Variants in BICD1 observed in about 807,000 individuals in gnomAD.
The protein encoded by BICD1 is BICD cargo adaptor 1.
In BICD1, 35 loss-of-function variants were observed where a neutral mutation model predicts 92.5. The observed-to-expected ratio is 0.38, with a 90% CI of 0.29 to 0.50. BICD1 has a LOEUF of 0.50. Ranked by LOEUF, BICD1 falls within the 20% of genes least tolerant of loss-of-function variation. BICD1 has a pLI of 0.93. For synonymous variants in BICD1, 429 were observed against 465.1 expected (o/e 0.92, Z 1.00); for missense variants, 950 against 1,189.8 (o/e 0.80, Z 2.97).
At chr12:32,286,481 T>C (rs945841340) in intron 2 of BICD1, among the ~76,000 whole-genome samples, 2 of 152,230 alleles carry the variant, frequency 1.3e-5, no homozygotes, top group Non-Finnish European at 2.9e-5. Flanking sequence ...AATACTGTAA[T>C]TTGACTTTAT....
At chr12:32,135,276 T>C (rs773538130) in intron 1 of BICD1, among the ~76,000 whole-genome samples, 10 of 151,432 alleles carry the variant, frequency 6.6e-5, no homozygotes, top group Non-Finnish European at 1.5e-4. Flanking sequence ...TTAGTAGAGA[T>C]GGGCTTTCAC....
At chr12:32,255,373 A>G (rs934933671) in intron 2 of BICD1, among the ~76,000 whole-genome samples, 1 of 152,168 alleles carries the variant, frequency 6.6e-6, no homozygotes, top group African/African-American at 2.4e-5. Context: ...CATTCAGTTC[A>G]TAACAGCCAC....
At chr12:32,306,226 T>A in intron 4 of BICD1, 104 bp downstream of exon 4, 2 of 1,189,836 alleles carry the variant, frequency 1.7e-6, no homozygotes, top group Non-Finnish European at 2.3e-6. Context: ...TTTCTTTTCT[T>A]TTTTCTTTTC....
chr12:32,203,003 C>T (rs1048662108), intron 1 of BICD1, among the ~76,000 whole-genome samples: 1 of 152,114 alleles, frequency 6.6e-6, no homozygotes, highest in African/African-American at 2.4e-5. Context: ...TATCTTATGA[C>T]CATTAGTGGG....
intron 1 of BICD1, among the ~76,000 whole-genome samples, chr12:32,204,672 A>G (rs1288117390): frequency 6.6e-6 from 1 of 152,190 alleles, no homozygotes; most frequent in Non-Finnish European, 1.5e-5. Flanking sequence ...ATAATATATT[A>G]GCATCCCAAA....
Position 32,249,559 on chromosome 12 carries a change from T to G in BICD1, c.426+33100T>G, listed in dbSNP as rs1008559148. Among the ~76,000 whole-genome samples, 5 of 152,096 alleles carry G rather than the reference T, an allele frequency of 3.3e-5. No individual in the cohort carries two copies. In the East Asian group the frequency reaches 5.8e-4, roughly 18 times the overall value. ...TATGGCTGTAAGGGGAGGATTCTTG[T>G]GTTTCCCAGGTGTCCTGAAACCATT... On this transcript the variant is annotated intron_variant, in intron 2 of 9. Transcript: ENST00000652176.
intron 2 of BICD1, among the ~76,000 whole-genome samples, chr12:32,216,886 C>T (rs1334582112): frequency 6.6e-6 from 1 of 152,078 alleles, no homozygotes; most frequent in Non-Finnish European, 1.5e-5. Flanking sequence ...ACAGCCTAGG[C>T]GAGTGTCCTG....
chr12:32,375,056 C>T (rs1363202189), intron 9 of BICD1, among the ~76,000 whole-genome samples: 1 of 148,006 alleles, frequency 6.8e-6, no homozygotes, highest in East Asian at 2.1e-4. Flanking sequence ...GTAGCTGGGA[C>T]TACAGGCGCC....
intron 1 of BICD1, among the ~76,000 whole-genome samples, chr12:32,176,777 T>C (rs903329852): frequency 1.3e-5 from 2 of 152,186 alleles, no homozygotes. Flanking sequence ...GAGCACTCCA[T>C]TGTATGAATG....
At chr12:32,231,086 CTT>C (rs1945871856) in intron 2 of BICD1, among the ~76,000 whole-genome samples, 1 of 152,138 alleles carries the variant, frequency 6.6e-6, no homozygotes, top group Admixed American at 6.6e-5. Context: ...GTCAGTTGCT[CTT>C]TATTCAAAAA....
intron 2 of BICD1, among the ~76,000 whole-genome samples, chr12:32,288,268 G>T (rs1191105159): frequency 2.3e-5 from 3 of 128,948 alleles, no homozygotes; most frequent in African/African-American, 6.0e-5. Context: ...GTCTCACTCT[G>T]TAGCCCAGGC....
At chr12:32,159,469 C>T (rs530410540) in intron 1 of BICD1, among the ~76,000 whole-genome samples, 88 of 152,246 alleles carry the variant, frequency 5.8e-4, no homozygotes, top group African/African-American at 2.0e-3. Flanking sequence ...TCCCAGGACC[C>T]CTTTCAGGCA....
chr12:32,151,060 G>T (rs193029), intron 1 of BICD1, among the ~76,000 whole-genome samples: 1 of 152,202 alleles, frequency 6.6e-6, no homozygotes, highest in African/African-American at 2.4e-5. Context: ...CATCAAAACA[G>T]ATGGTGGTGG....
At chr12:32,141,798 T>TA (rs1352770059) in intron 1 of BICD1, among the ~76,000 whole-genome samples, 1 of 152,144 alleles carries the variant, frequency 6.6e-6, no homozygotes. Flanking sequence ...GAATAGCACT[T>TA]ACCACAGATT....
intron 4 of BICD1, 112 bp downstream of exon 4, chr12:32,306,234 T>C: frequency 9.0e-7 from 1 of 1,105,694 alleles, no homozygotes; most frequent in Non-Finnish European, 1.3e-6. Context: ...CTTTTTTCTT[T>C]TCTTCTCTTT....
intron 1 of BICD1, among the ~76,000 whole-genome samples, chr12:32,208,271 C>T (rs1371686501): frequency 2.0e-5 from 3 of 152,202 alleles, no homozygotes; most frequent in African/African-American, 4.8e-5. Flanking sequence ...CAAAGCACGT[C>T]GTCTTTCTGC....
intron 1 of BICD1, among the ~76,000 whole-genome samples, chr12:32,162,371 C>T (rs900691930): frequency 2.0e-5 from 3 of 152,010 alleles, no homozygotes; most frequent in African/African-American, 7.3e-5. Context: ...GTAATATAGG[C>T]GAAGATTTTT....
intron 1 of BICD1, among the ~76,000 whole-genome samples, chr12:32,208,568 G>A (rs1177217843): frequency 6.6e-6 from 1 of 152,164 alleles, no homozygotes; most frequent in African/African-American, 2.4e-5. Context: ...CTGTCAGGGA[G>A]GCCTCATGTC....
intron 9 of BICD1, 87 bp downstream of exon 9, chr12:32,367,832 C>CGCA: frequency 1.7e-6 from 2 of 1,182,210 alleles, no homozygotes; most frequent in Non-Finnish European, 2.5e-6. Flanking sequence ...GAACTGCCTA[C>CGCA]GCATCATTGT....
Sources: gnomAD v4.1 joint callset for allele counts (sites outside exome capture counted in the v4.1 genomes callset) on GRCh38, gnomAD v4.1.1 for gene constraint, MANE v1.5 for transcripts, NCBI Gene and HGNC (gene_info 2026-07-23, HGNC 2026-07-21) for gene names.